SLC9A7: variants seen among roughly 807,000 people sequenced by gnomAD.
The protein encoded by SLC9A7 is solute carrier family 9 member A7.
A neutral mutation model predicts 52.6 loss-of-function variants in SLC9A7; 19 were observed. That is an observed-to-expected ratio of 0.36 (90% CI 0.25 to 0.53). The LOEUF is 0.53. Among genes scored for constraint, SLC9A7 ranks in the 20% least tolerant of loss-of-function variants. The pLI is 0.91. For synonymous variants in SLC9A7, 226 were observed against 252.1 expected (o/e 0.90, Z 0.98); for missense variants, 455 against 597.9 (o/e 0.76, Z 2.49).
intron 1 of SLC9A7, among the ~76,000 whole-genome samples, chrX:46,695,457 T>C (rs1158038822): frequency 8.9e-6 from 1 of 112,288 alleles, no homozygotes; most frequent in Non-Finnish European, 1.9e-5. Flanking sequence ...GAGGGGAATA[T>C]ACAATGACTC....
In SLC9A7 at chrX:46,662,602, C is replaced by G; in HGVS notation, c.835G>C (p.Asp279His). 2 of 1,210,061 alleles carry G rather than the reference C, an allele frequency of 1.7e-6. No individual in the cohort carries two copies. Among genetic ancestry groups the G allele is most frequent in the Non-Finnish European group, 2.2e-6 (2 of 894,030 alleles). The change falls in exon 6 of 17, where the codon GAT becomes CAT. Residue 279 changes from aspartate (D) to histidine (H), a missense_variant. By Grantham distance (81) the Asp-to-His change is moderately conservative. This residue lies in a region of SLC9A7 where 304 missense variants were observed against 417.8 expected (regional missense o/e 0.73). Coordinates refer to ENST00000616978, the MANE Select transcript of SLC9A7 (RefSeq NM_001257291.2). ...AIFNELHADV[D>H]LYALLFGESV... ...TCTCCAAAAAGAAGTGCGTAAAGAT[C>G]CACGTCTGCATGCAATTCATTAAAT...
rs751840198 is a variant in SLC9A7, at chrX:46,599,593, A to T, written c.*7359T>A. On this transcript the variant is annotated 3_prime_UTR_variant, in exon 17 of 17. Transcript: ENST00000616978. Reference sequence around the variant, plus strand: ...TGGCTAGCTTTACAATAGCAATCTAAACATACACAAAGGCAAACATTGAGT... The same window carrying T: ...TGGCTAGCTTTACAATAGCAATCTATACATACACAAAGGCAAACATTGAGT... 2 of 112,298 alleles carry T rather than the reference A, an allele frequency of 1.8e-5. No individual in the cohort carries two copies. Among genetic ancestry groups the T allele is most frequent in the East Asian group, 5.5e-4 (2 of 3,608 alleles). 9.3% of individuals were successfully genotyped at this position (112,298 alleles called of 1,213,427 possible).
intron 16 of SLC9A7, among the ~76,000 whole-genome samples, chrX:46,609,803 G>A (rs953825150): frequency 1.8e-5 from 2 of 111,046 alleles, no homozygotes; most frequent in Middle Eastern, 4.7e-3. Flanking sequence ...CGAGGCGAGC[G>A]GATCACTTGA....
Position 46,699,894 on chromosome X carries a change from T to C in SLC9A7, c.326-17359A>G, listed in dbSNP as rs181978391. On this transcript the variant is annotated intron_variant, in intron 1 of 16. Transcript: ENST00000616978. ...ACTTTGGGAGGCTGAGGTGGGAGGA[T>C]TGCTTGAGCCCAGAAGTTTTAGAAC... Among the ~76,000 whole-genome samples, 152 of 110,994 alleles carry C rather than the reference T, an allele frequency of 1.4e-3. 1 individual carries two copies. Among genetic ancestry groups the C allele is most frequent in the Middle Eastern group, 4.6e-3 (1 of 219 alleles).
At chrX:46,726,866 GA>G (rs1944953755) in intron 1 of SLC9A7, among the ~76,000 whole-genome samples, 2 of 110,869 alleles carry the variant, frequency 1.8e-5, no homozygotes, top group African/African-American at 6.6e-5. Flanking sequence ...TTTTGCTGAT[GA>G]AAAAAACAGC....
chrX:46,728,358 C>T (rs1004875730), intron 1 of SLC9A7, among the ~76,000 whole-genome samples: 2 of 111,550 alleles, frequency 1.8e-5, no homozygotes, highest in African/African-American at 6.5e-5. Context: ...CAAACAGAGA[C>T]TTCAAAGAGG....
chrX:46,729,273 C>T (rs1032016248), intron 1 of SLC9A7, among the ~76,000 whole-genome samples: 9 of 111,685 alleles, frequency 8.1e-5, no homozygotes, highest in African/African-American at 2.9e-4. Flanking sequence ...CAATAAATAC[C>T]TAAAAATTTA....
intron 14 of SLC9A7, among the ~76,000 whole-genome samples, chrX:46,626,708 TAGTG>T (rs1215661005): frequency 2.0e-4 from 22 of 111,923 alleles, no homozygotes; most frequent in African/African-American, 6.8e-4. Context: ...GTTCTTGTGA[TAGTG>T]AGTGAGTTCT....
At chrX:46,732,545 T>G (rs1569524684) in intron 1 of SLC9A7, among the ~76,000 whole-genome samples, 1 of 106,728 alleles carries the variant, frequency 9.4e-6, no homozygotes, top group African/African-American at 3.5e-5. Context: ...AGATTGAGAC[T>G]GTCTCAAGAA....
At chrX:46,669,267 C>T (rs1943980059) in intron 5 of SLC9A7, among the ~76,000 whole-genome samples, 1 of 110,081 alleles carries the variant, frequency 9.1e-6, no homozygotes, top group Non-Finnish European at 1.9e-5. Flanking sequence ...ATTGCATGCC[C>T]TTCTTAGAAA....
At position 46,758,885 on chromosome X, in the gene SLC9A7, CCGCCGCCGCCCCAGAGGAGGAGGCCGA is replaced by C. The variant is rs1556294801; in HGVS notation, c.118_144del (p.Ser40_Ala48del). 10 of 1,185,276 alleles carry C rather than the reference CCGCCGCCGCCCCAGAGGAGGAGGCCGA, an allele frequency of 8.4e-6. No homozygotes were observed. The highest frequency in any genetic ancestry group is 1.8e-5 in the African/African-American group (1 of 56,000). Reference sequence around the variant, plus strand: ...AGCTCCTCCATGGCGCTGCTGTCCTCCGCCGCCGCCCCAGAGGAGGAGGCCGAGGCCGCGGCCGCGACTCGCAGCCCC... The same window carrying C: ...AGCTCCTCCATGGCGCTGCTGTCCTCGGCCGCGGCCGCGACTCGCAGCCCC... On this transcript the variant is annotated inframe_deletion, in exon 1 of 17. Coordinates refer to ENST00000616978, the MANE Select transcript of SLC9A7 (RefSeq NM_001257291.2).
In SLC9A7 at chrX:46,655,429, C is replaced by T. The variant is rs939975443; in HGVS notation, c.1042-1715G>A. 1.3e-4 allele frequency among the ~76,000 whole-genome samples: 15 copies of T among 112,199 alleles called. No homozygotes were observed. The East Asian group carries it at 1.4e-3, about 11-fold the overall frequency. On this transcript the variant is annotated intron_variant, in intron 7 of 16. Coordinates refer to ENST00000616978, the MANE Select transcript of SLC9A7 (RefSeq NM_001257291.2). ...CTCCCAGCGTGAGCAACGCAGAAGA[C>T]GGGTGATTTCTGCATTTCCATCTGA... is the stretch of plus-strand genomic sequence containing the variant.
At chrX:46,714,338 T>C (rs1185627936) in intron 1 of SLC9A7, among the ~76,000 whole-genome samples, 1 of 111,733 alleles carries the variant, frequency 8.9e-6, no homozygotes, top group Non-Finnish European at 1.9e-5. Context: ...TATTTCCTGA[T>C]GTCTCCCAGA....
chrX:46,723,298 CAAAAAAA>C (rs764219707), intron 1 of SLC9A7, among the ~76,000 whole-genome samples: 5 of 18,702 alleles, frequency 2.7e-4, no homozygotes, highest in East Asian at 2.8e-3. Flanking sequence ...AAGATTTCTA[CAAAAAAA>C]AAAAAAAAAA....
At chrX:46,651,792 C>T (rs1440399532) in intron 8 of SLC9A7, among the ~76,000 whole-genome samples, 1 of 103,041 alleles carries the variant, frequency 9.7e-6, no homozygotes, top group East Asian at 3.0e-4. Flanking sequence ...CACGCCTCTG[C>T]ACTCCAGTCT....
At position 46,619,782 on chromosome X, in the gene SLC9A7, G is replaced by A. The variant is rs1299631937; in HGVS notation, c.1823+1195C>T. Among the ~76,000 whole-genome samples, 4 of 104,911 alleles carry A rather than the reference G, an allele frequency of 3.8e-5. No homozygotes were observed. In the East Asian group the frequency reaches 1.2e-3, roughly 31 times the overall value. 91.1% of individuals were successfully genotyped at this position (104,911 alleles called of 115,157 possible). A position where few individuals can be genotyped will look rare whatever the true frequency, so the allele number is the denominator to read the frequency against. ...GGGCCCAAGTAGCTGGACTACAGGT[G>A]TGTGCCACCATACCTGACTAATTTT... On this transcript the variant is annotated intron_variant, in intron 15 of 16. Coordinates refer to ENST00000616978, the MANE Select transcript of SLC9A7 (RefSeq NM_001257291.2).
At chrX:46,666,413 T>A (rs973299150) in intron 5 of SLC9A7, among the ~76,000 whole-genome samples, 11 of 112,424 alleles carry the variant, frequency 9.8e-5, no homozygotes, top group Non-Finnish European at 2.1e-4. Context: ...TTTTATCTCT[T>A]TTATGACCCA....
chrX:46,615,014 G>A (rs1197417158), intron 15 of SLC9A7, among the ~76,000 whole-genome samples: 1 of 112,322 alleles, frequency 8.9e-6, no homozygotes, highest in East Asian at 2.8e-4. Context: ...CTCAACCAAA[G>A]AGGATGTGCA....
At chrX:46,681,838 A>G (rs1255243492) in intron 2 of SLC9A7, among the ~76,000 whole-genome samples, 2 of 112,517 alleles carry the variant, frequency 1.8e-5, no homozygotes, top group Non-Finnish European at 3.7e-5. Context: ...TCCCCTGAAG[A>G]TTCATTAAGC....
Sources: gnomAD v4.1 joint callset for allele counts (sites outside exome capture counted in the v4.1 genomes callset) on GRCh38, gnomAD v4.1.1 for gene constraint, gnomAD v4.1.1 regional missense constraint, MANE v1.5 for transcripts, NCBI Gene and HGNC (gene_info 2026-07-23, HGNC 2026-07-21) for gene names.